The following CSMD1 variants were observed in gnomAD, a reference collection of about 807,000 sequenced individuals.
CSMD1 encodes the protein CUB and sushi domain-containing protein 1.
Under a neutral mutation model 417.5 loss-of-function variants are expected in CSMD1, and 213 were observed. That is an observed-to-expected ratio of 0.51 (90% CI 0.46 to 0.57). The LOEUF is 0.57. Ranked by LOEUF, CSMD1 falls within the 20% of genes least tolerant of loss-of-function variation. The probability of loss-of-function intolerance (pLI) is 0.00; values close to 1 mark genes in which losing one functional copy is unlikely to be tolerated. For synonymous variants in CSMD1, 2,862 were observed against 1,736.8 expected, an observed-to-expected ratio of 1.65 and a Z score of -16.11; for missense variants, 6,923 against 4,529.7, an observed-to-expected ratio of 1.53 and a Z score of -15.17.
At chr8:3,308,692 T>C (rs954877715) in intron 23 of CSMD1, among the ~76,000 whole-genome samples, 189 bp from the exon 24 acceptor site, 7 of 151,202 alleles carry the variant, frequency 4.6e-5, no homozygotes, top group Non-Finnish European at 1.0e-4. Flanking sequence ...TTGTGATTTC[T>C]TGAAGTTCGG....
At chr8:3,816,616 A>C (rs1294881296) in intron 5 of CSMD1, among the ~76,000 whole-genome samples, 1 of 152,200 alleles carries the variant, frequency 6.6e-6, no homozygotes, top group African/African-American at 2.4e-5. Flanking sequence ...ATAATGTACC[A>C]AACAGAAGAG....
chr8:4,018,100 T>C (rs1055679925), intron 4 of CSMD1, among the ~76,000 whole-genome samples: 16 of 152,244 alleles, frequency 1.1e-4, no homozygotes, highest in Admixed American at 8.5e-4. Flanking sequence ...TAGCCTATTG[T>C]ATGGCATAAA....
At chr8:4,476,276 G>T (rs148069929) in intron 2 of CSMD1, among the ~76,000 whole-genome samples, 1 of 152,008 alleles carries the variant, frequency 6.6e-6, no homozygotes, top group East Asian at 1.9e-4. Context: ...TCATGATAGA[G>T]ACCGGATGTT....
chr8:4,612,151 G>C (rs1377716574), intron 2 of CSMD1, among the ~76,000 whole-genome samples: 1 of 152,108 alleles, frequency 6.6e-6, no homozygotes, highest in East Asian at 1.9e-4. Flanking sequence ...AGACCTGATC[G>C]GAGACGGTCG....
At chr8:3,500,828 TGAGGAAGCG>T (rs1166768072) in intron 10 of CSMD1, among the ~76,000 whole-genome samples, 4 of 152,130 alleles carry the variant, frequency 2.6e-5, no homozygotes, top group Non-Finnish European at 5.9e-5. Flanking sequence ...GAATGGGATG[TGAGGAAGCG>T]GAGTAAGTGG....
chr8:3,996,519 C>T (rs1025456433), intron 5 of CSMD1, among the ~76,000 whole-genome samples: 1 of 152,018 alleles, frequency 6.6e-6, no homozygotes, highest in African/African-American at 2.4e-5. Context: ...TTGGCAGAAC[C>T]TGTGGTATAA....
At chr8:4,676,059 T>C (rs1457152889) in intron 1 of CSMD1, among the ~76,000 whole-genome samples, 2 of 152,222 alleles carry the variant, frequency 1.3e-5, no homozygotes, top group Admixed American at 1.3e-4. Context: ...TCAACAGTCC[T>C]AGAAAGTAGA....
At chr8:3,227,275 C>A (rs942530381) in intron 27 of CSMD1, among the ~76,000 whole-genome samples, 14 of 151,524 alleles carry the variant, frequency 9.2e-5, no homozygotes, top group Admixed American at 5.9e-4. Flanking sequence ...GTGGTGGGCG[C>A]CTGTAATCCC....
chr8:4,152,061 T>C lies in CSMD1; in HGVS notation c.416-119962A>G, dbSNP rs559069823. Among the ~76,000 whole-genome samples, 4 of 152,284 alleles carry C rather than the reference T, an allele frequency of 2.6e-5. No homozygotes were observed. In the East Asian group the frequency reaches 7.7e-4, roughly 29 times the overall value. On this transcript the variant is annotated intron_variant, in intron 3 of 69. Transcript: ENST00000635120. ...TCATTTGACTATGCTTTAATTTTTT[T>C]CCCTTTATTAAGAACTTTCCCAAAG... is the stretch of plus-strand genomic sequence containing the variant.
At chr8:4,564,735 G>C (rs1343091537) in intron 2 of CSMD1, among the ~76,000 whole-genome samples, 2 of 152,096 alleles carry the variant, frequency 1.3e-5, no homozygotes, top group African/African-American at 2.4e-5. Flanking sequence ...CATTTTGATG[G>C]ATCTGAACAT....
At chr8:3,156,484 T>C (rs1195343653) in intron 39 of CSMD1, among the ~76,000 whole-genome samples, 1 of 152,004 alleles carries the variant, frequency 6.6e-6, no homozygotes, top group East Asian at 1.9e-4. Context: ...TAAAGAGCAA[T>C]ATCATTACAA....
intron 3 of CSMD1, among the ~76,000 whole-genome samples, chr8:4,055,113 G>A (rs758971734): frequency 4.6e-5 from 7 of 152,114 alleles, no homozygotes; most frequent in Non-Finnish European, 8.8e-5. Context: ...TTTGAGCTTT[G>A]TGTAGTAGAT....
intron 5 of CSMD1, among the ~76,000 whole-genome samples, chr8:3,804,892 G>C (rs1157226376): frequency 1.3e-5 from 2 of 152,134 alleles, no homozygotes; most frequent in South Asian, 4.1e-4. Context: ...GCATGGATTA[G>C]TGAAAAATGA....
At chr8:4,694,433 C>G (rs915734036) in intron 1 of CSMD1, among the ~76,000 whole-genome samples, 1 of 152,022 alleles carries the variant, frequency 6.6e-6, no homozygotes, top group Non-Finnish European at 1.5e-5. Context: ...GTCACTGCAA[C>G]CCCTGCCTCC....
intron 1 of CSMD1, among the ~76,000 whole-genome samples, chr8:4,730,597 C>A (rs755432316): frequency 1.3e-5 from 2 of 151,808 alleles, no homozygotes; most frequent in East Asian, 1.9e-4. Flanking sequence ...AAAAATTAGC[C>A]GGGCGTGGTG....
intron 2 of CSMD1, among the ~76,000 whole-genome samples, chr8:4,500,431 C>A (rs565654968): frequency 6.6e-6 from 1 of 152,220 alleles, no homozygotes; most frequent in East Asian, 1.9e-4. Flanking sequence ...CAAAAACTTG[C>A]GTAGATCGTG....
At chr8:3,188,035 T>C in intron 35 of CSMD1, 70 bp from the exon 36 acceptor site, 1 of 1,173,426 alleles carries the variant, frequency 8.5e-7, no homozygotes. Context: ...AGATGGGGTT[T>C]TGGGGTTTTT....
intron 1 of CSMD1, among the ~76,000 whole-genome samples, chr8:4,923,979 A>T (rs926901758): frequency 6.6e-6 from 1 of 152,156 alleles, no homozygotes; most frequent in Non-Finnish European, 1.5e-5. Flanking sequence ...TCATCCTTTG[A>T]TAGTTTAAGA....
At chr8:3,202,831 T>A (rs1438119299) in intron 31 of CSMD1, among the ~76,000 whole-genome samples, 1 of 152,192 alleles carries the variant, frequency 6.6e-6, no homozygotes, top group East Asian at 1.9e-4. Context: ...TAATATAACT[T>A]GTCTTTTAAG....
Sources: allele counts gnomAD v4.1 joint callset (sites outside exome capture counted in the v4.1 genomes callset), GRCh38; gene constraint gnomAD v4.1.1; transcripts MANE v1.5; gene names NCBI Gene and HGNC (gene_info 2026-07-23, HGNC 2026-07-21).